The following COL6A3 variants were observed in gnomAD, a reference collection of about 807,000 sequenced individuals.
The protein encoded by COL6A3 is collagen alpha-3(VI) chain.
Under a neutral mutation model 274.1 loss-of-function variants are expected in COL6A3, and 137 were observed. The ratio of observed to expected loss-of-function variants is 0.50; its 90% confidence interval spans 0.44 to 0.58. The LOEUF (loss-of-function observed/expected upper bound fraction) is 0.58, where lower values mean the gene tolerates loss of function less well. COL6A3 is among the 20% of genes least tolerant of loss of function. The pLI, the probability that COL6A3 is intolerant of heterozygous loss-of-function variation, is 0.00. For synonymous variants in COL6A3, 1,650 were observed against 1,650.6 expected (o/e 1.00, Z 0.01); for missense variants, 3,950 against 4,124.9 (o/e 0.96, Z 1.16).
chr2:237,324,906 T>C, intron 43 of COL6A3, 92 bp from the exon 44 acceptor site: 1 of 1,310,292 alleles, frequency 7.6e-7, no homozygotes, highest in Non-Finnish European at 1.1e-6. Context: ...GGCACTGTCA[T>C]TATCATGACA....
chr2:237,344,234 G>T lies in COL6A3; in HGVS notation c.7668+116C>A. 1 of 1,501,610 alleles carries T rather than the reference G, an allele frequency of 6.7e-7. No homozygotes were observed. Among genetic ancestry groups the T allele is most frequent in the Non-Finnish European group, 9.2e-7 (1 of 1,085,174 alleles). 93.0% of individuals were successfully genotyped at this position (1,501,610 alleles called of 1,614,324 possible). A position where few individuals can be genotyped will look rare whatever the true frequency, so the allele number is the denominator to read the frequency against. On this transcript the variant is annotated intron_variant, in intron 36 of 43. Coordinates refer to ENST00000295550, the MANE Select transcript of COL6A3 (RefSeq NM_004369.4). The surrounding 1 kb of genome is among the most constrained non-coding windows in gnomAD (Gnocchi z 4.8). ...AAGTTCTCAGGCAGATGGCCTCATT[G>T]GGGACGTTTTAGGAGCTATGGGACA...
intron 37 of COL6A3, 42 bp from the exon 38 acceptor site, chr2:237,341,192 C>A: frequency 1.3e-6 from 2 of 1,541,566 alleles, no homozygotes; most frequent in Non-Finnish European, 1.8e-6. Flanking sequence ...GTGACACCCA[C>A]AGCAGGATAC....
In COL6A3 at chr2:237,361,104, A is replaced by T. The variant is rs369284610; in HGVS notation, c.6210+17T>A. The T allele has an allele frequency of 6.2e-7, 1 of 1,612,832 alleles. No individual in the cohort carries two copies. The highest frequency in any genetic ancestry group is 8.5e-7 in the Non-Finnish European group (1 of 1,178,830). On this transcript the variant is annotated intron_variant, in intron 16 of 43. Transcript: ENST00000295550. This position sits in a 1 kb window ranked among gnomAD's most constrained non-coding sequence, Gnocchi z 5.1. ...GGAGGGGGTGAAATTTTAGGGACTA[A>T]AACAATTTTTACTTACGGGTCCACC...
chr2:237,410,309 T>C (rs1218273685), intron 1 of COL6A3, among the ~76,000 whole-genome samples: 2 of 151,082 alleles, frequency 1.3e-5, no homozygotes, highest in African/African-American at 2.4e-5. Context: ...TCTTTTTTTT[T>C]TTTTTTTTTT....
At chr2:237,332,379 G>A (rs1574923610) in intron 42 of COL6A3, among the ~76,000 whole-genome samples, 1 of 151,866 alleles carries the variant, frequency 6.6e-6, no homozygotes, top group Admixed American at 6.6e-5. Context: ...GTTAACCAAT[G>A]AGTGAGAAAT....
At chr2:237,382,243 C>T (rs1240919299) in intron 4 of COL6A3, among the ~76,000 whole-genome samples, 1 of 151,952 alleles carries the variant, frequency 6.6e-6, no homozygotes, top group Non-Finnish European at 1.5e-5. Context: ...ATTAGCCGAG[C>T]GTGGGGGCAG....
chr2:237,403,241 A>G (rs944083104), intron 1 of COL6A3, among the ~76,000 whole-genome samples: 3 of 152,166 alleles, frequency 2.0e-5, no homozygotes, highest in African/African-American at 7.2e-5. Context: ...CCCAGCTATG[A>G]GGAAGACGGA....
rs145617821 is a variant in COL6A3 at position 237,375,573 on chromosome 2, G to A, written c.3071-553C>T. On this transcript the variant is annotated intron_variant, in intron 7 of 43. Coordinates refer to ENST00000295550, the MANE Select transcript of COL6A3 (RefSeq NM_004369.4). ...GGGGTCGGGGGGTGGACAGAATTTC[G>A]CTCTTGTCGCCCAGGCTAGAGTGCA... Among the ~76,000 whole-genome samples the A allele has an allele frequency of 5.7e-3, 866 of 152,160 alleles. 4 individuals are homozygous for A. The highest frequency in any genetic ancestry group is 0.02 in the African/African-American group (825 of 41,504).
chr2:237,359,409 G>A, intron 17 of COL6A3, 21 bp from the exon 18 acceptor site: 1 of 1,613,538 alleles, frequency 6.2e-7, no homozygotes, highest in East Asian at 2.2e-5. Flanking sequence ...AGGCGATAGG[G>A]GAAGCATTAG....
At chr2:237,411,344 A>G (rs900537385) in intron 1 of COL6A3, among the ~76,000 whole-genome samples, 10 of 152,220 alleles carry the variant, frequency 6.6e-5, no homozygotes, top group Admixed American at 6.5e-4. Context: ...AGTCCTAAAC[A>G]TGGAATTTCA....
intron 11 of COL6A3, 129 bp downstream of exon 11, chr2:237,366,558 G>C: frequency 1.5e-6 from 2 of 1,364,392 alleles, no homozygotes; most frequent in African/African-American, 2.9e-5. Flanking sequence ...CAGTCCCAGT[G>C]GGTATAAGTA....
In COL6A3 at chr2:237,359,249, C is replaced by T; in HGVS notation, c.6311G>A (p.Gly2104Asp). 6.2e-7 allele frequency: 1 copy of T among 1,614,236 alleles called. No individual in the cohort carries two copies. Residue 2104 changes from glycine to aspartate, a missense_variant and splice_region_variant, in exon 19 of 44, where the codon GGC becomes GAC. Transcript: ENST00000295550. ...KGSRGFPGEK[G>D]EVGEIGLDGL... is the part of the protein sequence containing the mutation. ...ATCCAGTCCAATTTCTCCTACTTCG[C>T]CCTAAGAGGGAATAAGGCGGACAGG...
intron 13 of COL6A3, 62 bp from the exon 14 acceptor site, chr2:237,363,460 T>A: frequency 6.3e-7 from 1 of 1,586,230 alleles, no homozygotes; most frequent in African/African-American, 1.3e-5. Flanking sequence ...AATGTCCTTT[T>A]TTCCTGACTA....
intron 9 of COL6A3, among the ~76,000 whole-genome samples, chr2:237,370,124 A>C (rs369947252): frequency 2.0e-5 from 3 of 151,576 alleles, no homozygotes; most frequent in African/African-American, 7.3e-5. Context: ...AGCCTCCCAA[A>C]GTGCTAGAAT....
intron 28 of COL6A3, among the ~76,000 whole-genome samples, chr2:237,349,943 G>T (rs1365223155): frequency 6.6e-6 from 1 of 151,964 alleles, no homozygotes; most frequent in African/African-American, 2.4e-5. Context: ...TCTCCCCACG[G>T]CCCGCCCCAC....
chr2:237,336,301 T>G lies in COL6A3; in HGVS notation c.8799A>C (p.Pro2933=), dbSNP rs139811166. 2 of 1,613,236 alleles carry G rather than the reference T, an allele frequency of 1.2e-6. No individual in the cohort carries two copies. The highest frequency in any genetic ancestry group is 2.2e-5 in the South Asian group (2 of 91,034). The stretch of plus-strand genomic sequence containing the variant: ...CTGCCGTTGCTGGCTTCACCGCCAC[T>G]GGGGGTCTAACAGTGGCCATCTTTG... ...VATKMATVRP[P]VAVKPATAAK... is the part of the protein sequence containing the mutation. Residue 2933 remains proline, a synonymous_variant, in exon 40 of 44, where the codon CCA becomes CCC. Coordinates refer to ENST00000295550, the MANE Select transcript of COL6A3 (RefSeq NM_004369.4).
chr2:237,375,428 G>T (rs2106362349), intron 7 of COL6A3, among the ~76,000 whole-genome samples: 1 of 152,356 alleles, frequency 6.6e-6, no homozygotes, highest in Non-Finnish European at 1.5e-5. Context: ...CCTGCAGAAA[G>T]AACACAGCCT....
At chr2:237,357,748 T>G in intron 22 of COL6A3, 69 bp downstream of exon 22, 1 of 1,514,614 alleles carries the variant, frequency 6.6e-7, no homozygotes, top group Non-Finnish European at 9.2e-7. Context: ...TGGCTGCTGA[T>G]GAGCCGAGAA....
At position 237,394,962 on chromosome 2, in the gene COL6A3, T is replaced by C. The variant is rs1156610137; in HGVS notation, c.334A>G (p.Ile112Val). 1 of 1,614,162 alleles carries C rather than the reference T, an allele frequency of 6.2e-7. No individual in the cohort carries two copies. Among genetic ancestry groups the C allele is most frequent in the Non-Finnish European group, 8.5e-7 (1 of 1,180,026 alleles). ...VLSHISNMSY[I>V]GGTNQTGKGL... ...TTTCCAGTCTGATTGGTTCCCCCAA[T>C]ATAAGACATGTTGGAAATATGAGAA... The change falls in exon 3 of 44, where the codon ATT becomes GTT. Residue 112 changes from isoleucine to valine, a missense_variant. By Grantham distance (29) the Ile-to-Val change is conservative. Coordinates refer to ENST00000295550, the MANE Select transcript of COL6A3 (RefSeq NM_004369.4).
Sources: allele counts gnomAD v4.1 joint callset (sites outside exome capture counted in the v4.1 genomes callset), GRCh38; gene constraint gnomAD v4.1.1; non-coding constraint Gnocchi (gnomAD v3.1); transcripts MANE v1.5; gene names NCBI Gene and HGNC (gene_info 2026-07-23, HGNC 2026-07-21).